XKR6: variants seen among roughly 807,000 people sequenced by gnomAD.
The protein encoded by XKR6 is XK related 6.
Under a neutral mutation model 56.7 loss-of-function variants are expected in XKR6, and 22 were observed. The observed-to-expected ratio is 0.39, with a 90% CI of 0.28 to 0.55. The LOEUF is 0.55. Among genes scored for constraint, XKR6 ranks in the 20% least tolerant of loss-of-function variants. XKR6 has a pLI of 0.66. For missense variants in XKR6, 852 were observed against 889.0 expected (o/e 0.96, Z 0.53); for synonymous variants, 524 against 387.8 (o/e 1.35, Z -4.13).
intron 1 of XKR6, among the ~76,000 whole-genome samples, chr8:11,109,900 C>T (rs891376162): frequency 6.6e-6 from 1 of 152,162 alleles, no homozygotes; most frequent in African/African-American, 2.4e-5. Context: ...AAGAAAATGA[C>T]TAAACAGCCA....
intron 1 of XKR6, among the ~76,000 whole-genome samples, chr8:11,048,103 A>G (rs1466426810): frequency 6.6e-6 from 1 of 152,054 alleles, no homozygotes; most frequent in Non-Finnish European, 1.5e-5. Flanking sequence ...CTTCGATCAC[A>G]CACCCCCCAC....
At chr8:11,157,505 T>C (rs1339335410) in intron 1 of XKR6, among the ~76,000 whole-genome samples, 4 of 152,000 alleles carry the variant, frequency 2.6e-5, no homozygotes, top group Admixed American at 6.6e-5. Flanking sequence ...TATGTATGTA[T>C]GTATGTATGT....
chr8:10,969,498 G>A (rs546425588), intron 1 of XKR6, among the ~76,000 whole-genome samples: 88 of 152,304 alleles, frequency 5.8e-4, no homozygotes, highest in Non-Finnish European at 8.2e-4. Flanking sequence ...ACAGGACATG[G>A]GAAATGTAGG....
intron 1 of XKR6, among the ~76,000 whole-genome samples, chr8:11,149,668 C>T (rs1286776942): frequency 1.3e-5 from 2 of 151,752 alleles, no homozygotes; most frequent in African/African-American, 4.8e-5. Flanking sequence ...AGTACAGCCA[C>T]TACAGAAAAC....
chr8:10,903,447 G>A (rs1221243825), intron 2 of XKR6, among the ~76,000 whole-genome samples: 2 of 152,150 alleles, frequency 1.3e-5, no homozygotes, highest in Non-Finnish European at 2.9e-5. Flanking sequence ...AGGATTCACT[G>A]AGCATCTACA....
At chr8:11,067,946 C>T (rs1205625483) in intron 1 of XKR6, among the ~76,000 whole-genome samples, 2 of 152,226 alleles carry the variant, frequency 1.3e-5, no homozygotes, top group South Asian at 2.1e-4. Context: ...ATGCCCTCAT[C>T]GGTCTGCATA....
intron 1 of XKR6, among the ~76,000 whole-genome samples, chr8:11,102,309 G>C (rs139532469): frequency 3.9e-5 from 6 of 152,268 alleles, no homozygotes; most frequent in African/African-American, 1.4e-4. Context: ...ACCGCTGCTA[G>C]AATGGCAACT....
rs191388427 is a variant in XKR6 at position 10,960,939 on chromosome 8, A to G, written c.765-36109T>C. ...ATAAGAGCCATGAATGAAACAGGGA[A>G]GACAGGGAAGACCGGGCTAGACTGG... On this transcript the variant is annotated intron_variant, in intron 1 of 2. Transcript: ENST00000416569. Among the ~76,000 whole-genome samples the G allele has an allele frequency of 4.7e-4, 72 of 152,326 alleles. 1 individual carries two copies. The East Asian group carries it at 0.014, about 29-fold the overall frequency.
At chr8:11,096,550 C>G (rs1798267989) in intron 1 of XKR6, among the ~76,000 whole-genome samples, 1 of 152,214 alleles carries the variant, frequency 6.6e-6, no homozygotes, top group South Asian at 2.1e-4. Flanking sequence ...TCAGACGGAT[C>G]AAAGCTTTCC....
chr8:11,182,122 A>G (rs952264392), intron 1 of XKR6, among the ~76,000 whole-genome samples: 4 of 152,236 alleles, frequency 2.6e-5, no homozygotes, highest in African/African-American at 9.6e-5. Context: ...TTTACAGTAT[A>G]GGGTTTTAGA....
At chr8:11,137,687 G>C (rs1800476308) in intron 1 of XKR6, 1 of 456,084 alleles carries the variant, frequency 2.2e-6, no homozygotes, top group Non-Finnish European at 4.4e-6. Flanking sequence ...AAGCAGCGGA[G>C]AGTCTGCTGA....
intron 1 of XKR6, among the ~76,000 whole-genome samples, chr8:11,120,718 C>G (rs538442298): frequency 6.6e-6 from 1 of 152,174 alleles, no homozygotes; most frequent in East Asian, 1.9e-4. Context: ...AAAAAGAGCC[C>G]GCATCGCCAA....
chr8:11,033,469 G>A (rs574248199), intron 1 of XKR6, among the ~76,000 whole-genome samples: 371 of 151,914 alleles, frequency 2.4e-3, no homozygotes, highest in Non-Finnish European at 3.7e-3. Context: ...GGTAATGATG[G>A]TGATGATGAT....
chr8:11,134,163 C>T lies in XKR6; in HGVS notation c.764+66413G>A, dbSNP rs1357160785. ...CAGCCAAGCTTCCCTTCCTTCATGA[C>T]ACCTTCCTTGCCCACCCTTACCTTC... On this transcript the variant is annotated intron_variant, in intron 1 of 2. Transcript: ENST00000416569. Among the ~76,000 whole-genome samples, 5 of 152,122 alleles carry T rather than the reference C, an allele frequency of 3.3e-5. No homozygotes were observed. In the East Asian group the frequency reaches 9.6e-4, roughly 29 times the overall value.
chr8:11,163,472 C>T (rs1415095547), intron 1 of XKR6, among the ~76,000 whole-genome samples: 4 of 152,238 alleles, frequency 2.6e-5, no homozygotes, highest in South Asian at 4.1e-4. Flanking sequence ...AATCTGCATA[C>T]ACCATGTCTT....
chr8:11,042,602 A>G (rs990158240), intron 1 of XKR6, among the ~76,000 whole-genome samples: 3 of 152,200 alleles, frequency 2.0e-5, no homozygotes, highest in Admixed American at 2.0e-4. Context: ...TAAATTACTC[A>G]GTCTTGGGTA....
Position 10,924,815 on chromosome 8 carries a change from C to G in XKR6, c.780G>C (p.Met260Ile). 2.5e-6 allele frequency: 4 copies of G among 1,613,722 alleles called. No homozygotes were observed. Among genetic ancestry groups the G allele is most frequent in the Non-Finnish European group, 2.5e-6 (3 of 1,179,852 alleles). ...MGQVWRYIRT[M>I]YLGIQSQRRK... ...GCCGCTGGCTCTGAATCCCCAGGTACATGGTGCGGATATACCTGCCCAGAG... is the reference window on the plus strand; with the variant it reads ...GCCGCTGGCTCTGAATCCCCAGGTAGATGGTGCGGATATACCTGCCCAGAG... The change falls in exon 2 of 3, where the codon ATG becomes ATC. Residue 260 changes from methionine (M) to isoleucine (I), a missense_variant. Met to Ile is a conservative substitution (Grantham distance 10). Transcript: ENST00000416569.
At position 11,153,980 on chromosome 8, in the gene XKR6, C is replaced by T. The variant is rs527780713; in HGVS notation, c.764+46596G>A. On this transcript the variant is annotated intron_variant, in intron 1 of 2. Coordinates refer to ENST00000416569, the MANE Select transcript of XKR6 (RefSeq NM_173683.4). Reference sequence around the variant, plus strand: ...CGTTTCCACCCCTGCCCTTCAAGACCATTCCCAACATAAAACTCACTGCAA... The same window carrying T: ...CGTTTCCACCCCTGCCCTTCAAGACTATTCCCAACATAAAACTCACTGCAA... Among the ~76,000 whole-genome samples the T allele has an allele frequency of 3.3e-5, 5 of 152,328 alleles. 1 individual carries two copies. The East Asian group carries it at 7.7e-4, about 24-fold the overall frequency.
chr8:10,994,023 A>G (rs1300795934), intron 1 of XKR6, among the ~76,000 whole-genome samples: 1 of 152,128 alleles, frequency 6.6e-6, no homozygotes, highest in Non-Finnish European at 1.5e-5. Flanking sequence ...AGTTACCTTC[A>G]GTAGCTGGGA....
Sources: allele counts gnomAD v4.1 joint callset (sites outside exome capture counted in the v4.1 genomes callset), GRCh38; gene constraint gnomAD v4.1.1; transcripts MANE v1.5; gene names NCBI Gene and HGNC (gene_info 2026-07-23, HGNC 2026-07-21).